Variants in FOCAD observed in about 807,000 individuals in gnomAD.
The protein encoded by FOCAD is focadhesin.
A neutral mutation model predicts 225.6 loss-of-function variants in FOCAD; 198 were observed. The ratio of observed to expected loss-of-function variants is 0.88; its 90% CI spans 0.78 to 0.99. FOCAD has a LOEUF of 0.99. Among genes scored for constraint, FOCAD ranks in the 50% least tolerant of loss-of-function variants. The pLI is 0.00. For synonymous variants in FOCAD, 897 were observed against 755.0 expected (o/e 1.19, Z -3.08); for missense variants, 2,713 against 2,123.6 (o/e 1.28, Z -5.46).
chr9:20,746,761 A>G (rs941069628), intron 5 of FOCAD, among the ~76,000 whole-genome samples: 7 of 152,220 alleles, frequency 4.6e-5, no homozygotes, highest in Admixed American at 4.6e-4. Context: ...TGTTGTCTCA[A>G]TAATGTCCTG....
At position 20,866,865 on chromosome 9, in the gene FOCAD, T is replaced by C. The variant is rs901319884; in HGVS notation, c.2107-64T>C. On this transcript the variant is annotated intron_variant, in intron 17 of 43. Transcript: ENST00000338382. The stretch of plus-strand genomic sequence containing the variant: ...CCCTCCAGATTTGATGTTTAATGCA[T>C]GTTGTGTTTTTTTGTTTGCTTGCTT... The C allele has an allele frequency of 7.1e-6, 7 of 980,808 alleles. No individual in the cohort carries two copies. The African/African-American group carries it at 1.0e-4, about 14-fold the overall frequency. 60.8% of individuals were successfully genotyped at this position (980,808 alleles called of 1,614,324 possible).
chr9:20,682,830 G>A (rs558552107), upstream of FOCAD, among the ~76,000 whole-genome samples: 513 of 152,272 alleles, frequency 3.4e-3, 2 homozygotes, highest in South Asian at 7.1e-3. Context: ...GAGTGCAGTG[G>A]CGCCACCTCG....
intron 11 of FOCAD, among the ~76,000 whole-genome samples, chr9:20,791,985 G>A (rs1482512520): frequency 1.3e-5 from 2 of 152,190 alleles, no homozygotes. Flanking sequence ...CAGCATTCTG[G>A]CAGCCAGTTA....
intron 6 of FOCAD, among the ~76,000 whole-genome samples, chr9:20,761,334 G>C (rs1178923950): frequency 6.6e-6 from 1 of 152,142 alleles, no homozygotes; most frequent in Non-Finnish European, 1.5e-5. Context: ...TTTCAGATGA[G>C]AGAACCGAGG....
At chr9:20,760,756 G>T (rs1829518249) in intron 6 of FOCAD, among the ~76,000 whole-genome samples, 2 of 152,154 alleles carry the variant, frequency 1.3e-5, no homozygotes, top group Non-Finnish European at 2.9e-5. Context: ...GGCAGGGACT[G>T]TGTTTCATTA....
intron 4 of FOCAD, among the ~76,000 whole-genome samples, chr9:20,730,280 GT>G (rs1184751176): frequency 1.3e-5 from 2 of 151,766 alleles, no homozygotes; most frequent in African/African-American, 2.4e-5. Context: ...CTAATTCTAT[GT>G]TTTTTTTCTT....
Position 20,929,566 on chromosome 9 carries a change from T to C in FOCAD, c.3287T>C (p.Phe1096Ser). The stretch of plus-strand genomic sequence containing the variant: ...CACATGGGCCTTGCTTTAGGGATGT[T>C]TCTCTCTCGCTTGTGTGAAGAGAAA... ...QIHMGLALGM[F>S]LSRLCEEKLS... is the part of the protein sequence containing the mutation. Residue 1096 changes from phenylalanine to serine, a missense_variant, in exon 27 of 44, where the codon TTT (phenylalanine) becomes TCT (serine). Coordinates refer to ENST00000338382, the MANE Select transcript of FOCAD (RefSeq NM_001375567.1). The C allele has an allele frequency of 6.2e-7, 1 of 1,614,138 alleles. No homozygotes were observed. Among genetic ancestry groups the C allele is most frequent in the Non-Finnish European group, 8.5e-7 (1 of 1,179,984 alleles).
chr9:20,937,966 GAC>G (rs1836173002), intron 28 of FOCAD, among the ~76,000 whole-genome samples: 3 of 151,956 alleles, frequency 2.0e-5, no homozygotes, highest in Admixed American at 1.3e-4. Flanking sequence ...GCAGCCAAAA[GAC>G]ACATGAAAAA....
intron 9 of FOCAD, among the ~76,000 whole-genome samples, chr9:20,779,644 G>C (rs1375820573): frequency 6.6e-6 from 1 of 151,992 alleles, no homozygotes; most frequent in African/African-American, 2.4e-5. Context: ...TAGCTACTTG[G>C]TTGGCTGAGG....
chr9:20,847,548 C>G (rs1213588608), intron 15 of FOCAD, among the ~76,000 whole-genome samples: 1 of 151,302 alleles, frequency 6.6e-6, no homozygotes, highest in Non-Finnish European at 1.5e-5. Context: ...TACCACCAGC[C>G]ATATATTTAG....
chr9:20,691,130 A>G (rs1413793868), intron 1 of FOCAD, among the ~76,000 whole-genome samples: 1 of 151,936 alleles, frequency 6.6e-6, no homozygotes, highest in Non-Finnish European at 1.5e-5. Context: ...TTTAGTAGAG[A>G]TGGGGTTTCA....
intron 15 of FOCAD, among the ~76,000 whole-genome samples, chr9:20,862,042 A>T (rs1828818329): frequency 6.6e-6 from 1 of 152,114 alleles, no homozygotes; most frequent in Admixed American, 6.6e-5. Flanking sequence ...AAGACATCTT[A>T]AATTATTATG....
chr9:20,737,086 A>C (rs1173341373), intron 4 of FOCAD, among the ~76,000 whole-genome samples: 1 of 152,182 alleles, frequency 6.6e-6, no homozygotes, highest in Non-Finnish European at 1.5e-5. Flanking sequence ...TACTCATGCT[A>C]CACTCTTGCT....
At chr9:20,828,213 A>T (rs1000813766) in intron 15 of FOCAD, among the ~76,000 whole-genome samples, 55 of 152,110 alleles carry the variant, frequency 3.6e-4, no homozygotes, top group African/African-American at 1.2e-3. Flanking sequence ...CAAAAAAAGT[A>T]ACTATGTAAG....
Position 20,866,964 on chromosome 9 carries a change from G to T in FOCAD, c.2142G>T (p.Leu714=). Residue 714 remains leucine (L), a synonymous_variant, in exon 18 of 44, where the codon CTG becomes CTT. Coordinates refer to ENST00000338382, the MANE Select transcript of FOCAD (RefSeq NM_001375567.1). ...PIVANAAYRS[L]ANFSAGEHTI... ...TAGCAAATGCTGCATATAGATCCCT[G>T]GCCAACTTTAGTGCAGGAGAACACA... 2 of 1,454,234 alleles carry T rather than the reference G, an allele frequency of 1.4e-6. No homozygotes were observed. The highest frequency in any genetic ancestry group is 1.2e-5 in the South Asian group (1 of 86,848). The allele number at this position is 1,454,234 out of a possible 1,614,324, so 90.1% of individuals were successfully genotyped here.
rs1829911573 is a variant in FOCAD at position 20,764,763 on chromosome 9, T to C, written c.495-106T>C. 3.6e-6 allele frequency: 3 copies of C among 833,976 alleles called. No homozygotes were observed. In the Admixed American group the frequency reaches 6.7e-5, roughly 19 times the overall value. 51.7% of individuals were successfully genotyped at this position (833,976 alleles called of 1,614,324 possible). A position where few individuals can be genotyped will look rare whatever the true frequency, so the allele number is the denominator to read the frequency against. ...CATAAAAAGAAGTTACACTTGATGA[T>C]ATGGTAGATTATGTTATGTCATGAA... is the stretch of plus-strand genomic sequence containing the variant. On this transcript the variant is annotated intron_variant, in intron 6 of 43. Coordinates refer to ENST00000338382, the MANE Select transcript of FOCAD (RefSeq NM_001375567.1).
At chr9:20,806,423 A>G (rs1822462259) in intron 11 of FOCAD, among the ~76,000 whole-genome samples, 1 of 152,176 alleles carries the variant, frequency 6.6e-6, no homozygotes, top group African/African-American at 2.4e-5. Context: ...GGAACCCAGA[A>G]CTAATTTTGT....
chr9:20,796,530 T>C (rs940538555), intron 11 of FOCAD, among the ~76,000 whole-genome samples: 23 of 152,246 alleles, frequency 1.5e-4, no homozygotes, highest in African/African-American at 2.6e-4. Context: ...GATGGTATCT[T>C]ATTGTGGTTT....
intron 26 of FOCAD, chr9:20,929,100 C>G (rs1458046983): frequency 2.6e-6 from 1 of 377,362 alleles, no homozygotes; most frequent in Non-Finnish European, 4.7e-6. Context: ...AATTTATAAC[C>G]TTTAAAAGGA....
Sources: gnomAD v4.1 joint callset for allele counts (sites outside exome capture counted in the v4.1 genomes callset) on GRCh38, gnomAD v4.1.1 for gene constraint, MANE v1.5 for transcripts, NCBI Gene and HGNC (gene_info 2026-07-23, HGNC 2026-07-21) for gene names.